SBF2: variants seen among roughly 807,000 people sequenced by gnomAD.
SBF2 encodes myotubularin-related protein 13.
Under a neutral mutation model 225.2 loss-of-function variants are expected in SBF2, and 112 were observed. That is an observed-to-expected ratio of 0.50 (90% CI 0.43 to 0.58). SBF2 has a LOEUF of 0.58. Among genes scored for constraint, SBF2 ranks in the 20% least tolerant of loss-of-function variants. The probability of loss-of-function intolerance (pLI) is 0.00; values close to 1 mark genes in which losing one functional copy is unlikely to be tolerated. For missense variants in SBF2, 1,996 were observed against 2,206.2 expected (o/e 0.90, Z 1.91); for synonymous variants, 763 against 773.3 (o/e 0.99, Z 0.22).
intron 1 of SBF2, among the ~76,000 whole-genome samples, chr11:10,259,104 G>T (rs1961181157): frequency 2.0e-5 from 3 of 152,166 alleles, no homozygotes; most frequent in South Asian, 4.1e-4. Context: ...ACTAGCTTGA[G>T]AAGTTGTCTT....
chr11:10,257,097 C>T (rs1960926379), intron 1 of SBF2, among the ~76,000 whole-genome samples: 1 of 152,112 alleles, frequency 6.6e-6, no homozygotes, highest in Non-Finnish European at 1.5e-5. Flanking sequence ...AACTCAGGCC[C>T]AGAAAGGTTA....
chr11:10,011,353 A>G (rs1413860669), intron 6 of SBF2, among the ~76,000 whole-genome samples: 3 of 152,120 alleles, frequency 2.0e-5, no homozygotes, highest in Non-Finnish European at 4.4e-5. Context: ...TAGCCTCTCA[A>G]GTAGCTGGGA....
chr11:10,132,473 T>C (rs1954106611), intron 2 of SBF2, among the ~76,000 whole-genome samples: 1 of 149,456 alleles, frequency 6.7e-6, no homozygotes, highest in Non-Finnish European at 1.5e-5. Context: ...TCTGGTGGGT[T>C]TGTGGTCTCG....
intron 2 of SBF2, among the ~76,000 whole-genome samples, chr11:10,152,674 T>C (rs898162398): frequency 6.6e-6 from 1 of 152,128 alleles, no homozygotes; most frequent in Non-Finnish European, 1.5e-5. Context: ...AAAAATGACA[T>C]CTACTCAAAG....
intron 6 of SBF2, 122 bp from the exon 7 acceptor site, chr11:10,002,811 T>C (rs1016379631): frequency 5.8e-6 from 5 of 862,026 alleles, no homozygotes; most frequent in Non-Finnish European, 9.6e-6. Flanking sequence ...GGAAAATACT[T>C]GGTTAAACTG....
At chr11:10,137,061 T>A (rs949057522) in intron 2 of SBF2, among the ~76,000 whole-genome samples, 1 of 152,208 alleles carries the variant, frequency 6.6e-6, no homozygotes, top group Non-Finnish European at 1.5e-5. Flanking sequence ...TTCCATTTAC[T>A]TAGATCTTTA....
chr11:10,252,285 C>A (rs567699191), intron 1 of SBF2, among the ~76,000 whole-genome samples: 1 of 152,290 alleles, frequency 6.6e-6, no homozygotes, highest in South Asian at 2.1e-4. Flanking sequence ...GAGAAAATGA[C>A]CAAAAGTGGG....
At chr11:9,783,325 C>T (rs111824143) in intron 38 of SBF2, among the ~76,000 whole-genome samples, 23 of 152,298 alleles carry the variant, frequency 1.5e-4, no homozygotes, top group African/African-American at 5.3e-4. Context: ...ACTCCTTGAG[C>T]AGAGGAAAAG....
At chr11:10,089,688 T>C (rs767684532) in intron 2 of SBF2, among the ~76,000 whole-genome samples, 19 of 152,254 alleles carry the variant, frequency 1.2e-4, no homozygotes, top group Middle Eastern at 3.4e-3. Flanking sequence ...TTTTAAACAT[T>C]AACATATATT....
intron 2 of SBF2, among the ~76,000 whole-genome samples, chr11:10,144,567 T>C (rs1282712337): frequency 6.6e-6 from 1 of 152,238 alleles, no homozygotes; most frequent in Admixed American, 6.5e-5. Context: ...ATAAATATTT[T>C]CACTTTACAA....
chr11:9,907,890 T>A (rs1564984775), intron 16 of SBF2, among the ~76,000 whole-genome samples: 1 of 152,256 alleles, frequency 6.6e-6, no homozygotes, highest in Non-Finnish European at 1.5e-5. Flanking sequence ...GTCCTTTTTG[T>A]TGATAATGAA....
At chr11:9,896,541 C>T (rs544030819) in intron 16 of SBF2, among the ~76,000 whole-genome samples, 6 of 152,174 alleles carry the variant, frequency 3.9e-5, no homozygotes, top group African/African-American at 1.4e-4. Flanking sequence ...CCTGTAATCC[C>T]AGCACTTTGG....
At chr11:9,924,047 G>C (rs1565009756) in intron 16 of SBF2, among the ~76,000 whole-genome samples, 1 of 152,208 alleles carries the variant, frequency 6.6e-6, no homozygotes, top group Admixed American at 6.5e-5. Flanking sequence ...AGGAAAATGA[G>C]TGGTGGAAAA....
intron 16 of SBF2, among the ~76,000 whole-genome samples, chr11:9,918,683 G>T (rs1048188316): frequency 2.6e-5 from 4 of 151,376 alleles, no homozygotes; most frequent in African/African-American, 4.9e-5. Flanking sequence ...TTTGCCTTCT[G>T]TCTTCTAAAA....
At chr11:10,219,389 G>A (rs1253303766) in intron 1 of SBF2, among the ~76,000 whole-genome samples, 1 of 152,150 alleles carries the variant, frequency 6.6e-6, no homozygotes, top group Admixed American at 6.5e-5. Flanking sequence ...CACACAGCAG[G>A]GGGGCCCTGG....
intron 26 of SBF2, among the ~76,000 whole-genome samples, chr11:9,836,689 C>T (rs757496650): frequency 8.5e-5 from 13 of 152,076 alleles, no homozygotes; most frequent in Non-Finnish European, 1.6e-4. Context: ...TTTTAGAATA[C>T]TGAATATTCT....
chr11:9,928,261 G>C (rs570868447), intron 16 of SBF2, among the ~76,000 whole-genome samples: 1 of 152,142 alleles, frequency 6.6e-6, no homozygotes, highest in East Asian at 1.9e-4. Flanking sequence ...TCGGTAATAA[G>C]AAAACAAACA....
intron 1 of SBF2, among the ~76,000 whole-genome samples, chr11:10,233,546 AAT>A (rs370611755): frequency 1.3e-5 from 2 of 150,120 alleles, no homozygotes; most frequent in Non-Finnish European, 1.5e-5. Flanking sequence ...ATCCTAACCA[AAT>A]ATATATATAT....
At chr11:10,121,591 T>C (rs2135055401) in intron 2 of SBF2, among the ~76,000 whole-genome samples, 1 of 152,328 alleles carries the variant, frequency 6.6e-6, no homozygotes, top group South Asian at 2.1e-4. Context: ...GACTAGCAGC[T>C]GATCCCCTAT....
Sources: allele counts gnomAD v4.1 joint callset (sites outside exome capture counted in the v4.1 genomes callset), GRCh38; gene constraint gnomAD v4.1.1; transcripts MANE v1.5; gene names NCBI Gene and HGNC (gene_info 2026-07-23, HGNC 2026-07-21).